The following ANKS1B variants were observed in gnomAD, a reference collection of about 807,000 sequenced individuals.
The protein encoded by ANKS1B is ankyrin repeat and sterile alpha motif domain containing 1B.
ANKS1B carries 36 observed loss-of-function variants against 148.3 expected under a neutral mutation model. The observed-to-expected ratio is 0.24, with a 90% CI of 0.19 to 0.32. ANKS1B has a LOEUF of 0.32. Ranked by LOEUF, ANKS1B falls within the 10% of genes least tolerant of loss-of-function variation. The pLI is 1.00. For synonymous variants in ANKS1B, 542 were observed against 560.8 expected, an observed-to-expected ratio of 0.97 and a Z score of 0.47; for missense variants, 1,157 against 1,542.6, an observed-to-expected ratio of 0.75 and a Z score of 4.19.
At chr12:99,186,373 A>T (rs966785419) in intron 14 of ANKS1B, among the ~76,000 whole-genome samples, 7 of 152,172 alleles carry the variant, frequency 4.6e-5, no homozygotes, top group African/African-American at 1.7e-4. Flanking sequence ...CTCCCGGCAC[A>T]TTGATTGAGC....
At chr12:99,729,519 A>G (rs1275512935) in intron 8 of ANKS1B, among the ~76,000 whole-genome samples, 1 of 152,002 alleles carries the variant, frequency 6.6e-6, no homozygotes, top group African/African-American at 2.4e-5. Flanking sequence ...CTCTATTGAT[A>G]TTCTCTATTT....
intron 9 of ANKS1B, among the ~76,000 whole-genome samples, chr12:99,562,611 T>C (rs1171969254): frequency 6.6e-6 from 1 of 152,172 alleles, no homozygotes. Context: ...CTTACAATCA[T>C]GGTGGAAGGG....
chr12:99,313,715 C>T (rs1399423933), intron 12 of ANKS1B, among the ~76,000 whole-genome samples: 1 of 152,182 alleles, frequency 6.6e-6, no homozygotes, highest in Non-Finnish European at 1.5e-5. Context: ...TAAAATTCAA[C>T]ATCCCTTCAT....
chr12:99,922,763 T>C (rs961909597), intron 1 of ANKS1B, among the ~76,000 whole-genome samples: 5 of 151,774 alleles, frequency 3.3e-5, no homozygotes, highest in African/African-American at 9.7e-5. Flanking sequence ...GATTAGGGTA[T>C]GAAGGCTCTG....
chr12:99,615,142 T>TTAGG (rs547498827), intron 9 of ANKS1B, among the ~76,000 whole-genome samples: 21 of 151,964 alleles, frequency 1.4e-4, no homozygotes, highest in Admixed American at 6.6e-4. Flanking sequence ...ACAGATGACA[T>TTAGG]TAGGTAGGTA....
chr12:98,911,775 G>T (rs992135634), intron 17 of ANKS1B, among the ~76,000 whole-genome samples: 3 of 152,166 alleles, frequency 2.0e-5, no homozygotes, highest in African/African-American at 4.8e-5. Flanking sequence ...CCCATGGTTT[G>T]GTCAGAGCTG....
intron 8 of ANKS1B, among the ~76,000 whole-genome samples, chr12:99,657,938 C>T (rs2098458271): frequency 6.7e-6 from 1 of 149,376 alleles, no homozygotes; most frequent in African/African-American, 2.5e-5. Context: ...TCTCTCTTCC[C>T]TGCTCATAAA....
intron 16 of ANKS1B, 146 bp from the exon 17 acceptor site, chr12:99,053,455 G>C: frequency 1.6e-6 from 1 of 608,380 alleles, no homozygotes; most frequent in South Asian, 4.3e-5. Context: ...ACTTTCTGAT[G>C]TGTTTTCACA....
intron 12 of ANKS1B, among the ~76,000 whole-genome samples, chr12:99,344,556 A>G (rs1228924671): frequency 6.6e-6 from 1 of 152,014 alleles, no homozygotes; most frequent in Admixed American, 6.6e-5. Flanking sequence ...TTGTGGTTTT[A>G]TATTTTGTTT....
chr12:99,136,875 T>A (rs1235875511), intron 15 of ANKS1B, among the ~76,000 whole-genome samples: 1 of 152,188 alleles, frequency 6.6e-6, no homozygotes, highest in Non-Finnish European at 1.5e-5. Flanking sequence ...TTACTCTCCT[T>A]GCTACAGTGT....
chr12:99,471,722 C>T (rs1011674384), intron 10 of ANKS1B, among the ~76,000 whole-genome samples: 3 of 152,002 alleles, frequency 2.0e-5, no homozygotes, highest in Admixed American at 6.6e-5. Context: ...GTCTGCTACT[C>T]ATGGACCAAA....
chr12:99,606,052 T>C (rs968721489), intron 9 of ANKS1B, among the ~76,000 whole-genome samples: 2 of 152,214 alleles, frequency 1.3e-5, no homozygotes, highest in African/African-American at 4.8e-5. Context: ...TGATATTTCA[T>C]CGTGGTTTCT....
At chr12:99,833,330 T>C (rs11110065) in intron 1 of ANKS1B, among the ~76,000 whole-genome samples, 17,696 of 152,204 alleles carry the variant, frequency 0.12, 1,510 homozygotes, top group African/African-American at 0.24. Context: ...ATAAGAGCTC[T>C]TGTAACAGGT....
chr12:99,263,374 A>G (rs2076122204), intron 12 of ANKS1B, among the ~76,000 whole-genome samples: 1 of 151,940 alleles, frequency 6.6e-6, no homozygotes, highest in African/African-American at 2.4e-5. Flanking sequence ...TTCTCTTTTC[A>G]ATTTCTTTTA....
chr12:99,562,243 AC>A (rs1055524543), intron 9 of ANKS1B, among the ~76,000 whole-genome samples: 1 of 152,184 alleles, frequency 6.6e-6, no homozygotes, highest in Non-Finnish European at 1.5e-5. Flanking sequence ...TTTTTAGAGT[AC>A]AAGCAAAATC....
At chr12:99,686,521 T>G (rs1335684491) in intron 8 of ANKS1B, among the ~76,000 whole-genome samples, 1 of 152,198 alleles carries the variant, frequency 6.6e-6, no homozygotes. Flanking sequence ...TGAATTGGTC[T>G]TTGTTCAATT....
At chr12:99,362,092 ACAT>A (rs1249844140) in intron 12 of ANKS1B, among the ~76,000 whole-genome samples, 1 of 152,068 alleles carries the variant, frequency 6.6e-6, no homozygotes, top group Non-Finnish European at 1.5e-5. Context: ...ATATCCTAAC[ACAT>A]CATAAGGACA....
chr12:98,932,765 A>G (rs2099814837), intron 17 of ANKS1B, among the ~76,000 whole-genome samples: 1 of 152,180 alleles, frequency 6.6e-6, no homozygotes, highest in African/African-American at 2.4e-5. Context: ...ATTAAATAAG[A>G]ATAAATTGAT....
chr12:98,821,144 G>T (rs1162235108), intron 19 of ANKS1B, among the ~76,000 whole-genome samples: 2 of 152,164 alleles, frequency 1.3e-5, no homozygotes, highest in Non-Finnish European at 2.9e-5. Flanking sequence ...CGTGTCCAAG[G>T]TTACAGAGGA....
Sources: gnomAD v4.1 joint callset for allele counts (sites outside exome capture counted in the v4.1 genomes callset) on GRCh38, gnomAD v4.1.1 for gene constraint, MANE v1.5 for transcripts, NCBI Gene and HGNC (gene_info 2026-07-23, HGNC 2026-07-21) for gene names.